PCDHGA8: variants seen among roughly 807,000 people sequenced by gnomAD.
The protein encoded by PCDHGA8 is protocadherin gamma-A8.
A neutral mutation model predicts 59.2 loss-of-function variants in PCDHGA8; 45 were observed. The ratio of observed to expected loss-of-function variants is 0.76; its 90% CI spans 0.60 to 0.98. The LOEUF is 0.98. PCDHGA8 is among the 50% of genes least tolerant of loss of function. PCDHGA8 has a pLI of 0.00. For missense variants in PCDHGA8, 1,257 were observed against 1,196.2 expected, an observed-to-expected ratio of 1.05 and a Z score of -0.75; for synonymous variants, 531 against 519.0, an observed-to-expected ratio of 1.02 and a Z score of -0.32.
rs746159671 is a variant in PCDHGA8, at chr5:141,399,684, G to A, written c.2424+4447G>A. The A allele has an allele frequency of 2.4e-5, 38 of 1,613,538 alleles. 1 individual carries two copies. In the South Asian group the frequency reaches 4.2e-4, roughly 18 times the overall value. On this transcript the variant is annotated intron_variant, in intron 1 of 3. Transcript: ENST00000398604. ...TCGCGCAGCGCGCCTTTGACTACGAGCAGCTGCGCACCTTCGAACTCACAC... is the reference window on the plus strand; with the variant it reads ...TCGCGCAGCGCGCCTTTGACTACGAACAGCTGCGCACCTTCGAACTCACAC...
chr5:141,416,478 C>T (rs1186938693), intron 1 of PCDHGA8: 4 of 151,994 alleles, frequency 2.6e-5, no homozygotes, highest in Non-Finnish European at 4.4e-5. Context: ...TACATGTTCC[C>T]GAGAACAGGA....
At chr5:141,454,774 G>A (rs1228452126) in intron 1 of PCDHGA8, among the ~76,000 whole-genome samples, 2 of 144,796 alleles carry the variant, frequency 1.4e-5, no homozygotes, top group African/African-American at 2.6e-5. Context: ...TTTTTACAAG[G>A]AAATAATCCT....
chr5:141,422,062 A>C, intron 1 of PCDHGA8: 4 of 1,612,140 alleles, frequency 2.5e-6, no homozygotes, highest in Non-Finnish European at 3.4e-6. Context: ...CGGGGAAGTA[A>C]TGTATTCATT....
chr5:141,408,510 A>G (rs1298660421), intron 1 of PCDHGA8: 21 of 1,613,870 alleles, frequency 1.3e-5, no homozygotes, highest in Non-Finnish European at 1.8e-5. Context: ...AGAAGATGTG[A>G]GTTGCAATTG....
chr5:141,493,694 G>A lies in PCDHGA8; in HGVS notation c.2425-1113G>A, dbSNP rs929897875. On this transcript the variant is annotated intron_variant, in intron 1 of 3. Transcript: ENST00000398604. This position sits in a 1 kb window ranked among gnomAD's most constrained non-coding sequence, Gnocchi z 4.3. ...CCCCAGAATGGTGCTGGTGACTCCC[G>A]ATACACCTGGAATGCTAGGTTTCTG... Among the ~76,000 whole-genome samples the A allele has an allele frequency of 5.9e-5, 9 of 152,130 alleles. No individual in the cohort carries two copies. Among genetic ancestry groups the A allele is most frequent in the African/African-American group, 9.7e-5 (4 of 41,404 alleles).
At chr5:141,416,400 C>CT (rs1028319330) in intron 1 of PCDHGA8, 1 of 152,036 alleles carries the variant, frequency 6.6e-6, no homozygotes, top group African/African-American at 2.4e-5. Flanking sequence ...CTGCTTTTGT[C>CT]TTTTTTGTTA....
chr5:141,439,487 G>A lies in PCDHGA8; in HGVS notation c.2424+44250G>A, dbSNP rs11952418. 8.3e-3 allele frequency among the ~76,000 whole-genome samples: 1,269 copies of A among 152,266 alleles called. 16 individuals are homozygous for A. Among genetic ancestry groups the A allele is most frequent in the African/African-American group, 0.029 (1,205 of 41,540 alleles). Reference sequence around the variant, plus strand: ...GCTGCCTTTCAGCTTGCAAATTCCAGTGAGAAACGTCTTTCTCTCTGCTCT... The same window carrying A: ...GCTGCCTTTCAGCTTGCAAATTCCAATGAGAAACGTCTTTCTCTCTGCTCT... On this transcript the variant is annotated intron_variant, in intron 1 of 3. Coordinates refer to ENST00000398604, the MANE Select transcript of PCDHGA8 (RefSeq NM_032088.2).
At chr5:141,466,279 T>A (rs1386803685) in intron 1 of PCDHGA8, among the ~76,000 whole-genome samples, 1 of 152,144 alleles carries the variant, frequency 6.6e-6, no homozygotes, top group Non-Finnish European at 1.5e-5. Flanking sequence ...CAAGCAATCT[T>A]CCCACCTCAG....
chr5:141,445,249 G>T (rs1337658576), intron 1 of PCDHGA8, among the ~76,000 whole-genome samples: 2 of 152,170 alleles, frequency 1.3e-5, no homozygotes, highest in Non-Finnish European at 2.9e-5. Context: ...ACTATATTGT[G>T]TGAGAATATA....
intron 1 of PCDHGA8, chr5:141,405,635 C>T (rs539370352): frequency 1.3e-4 from 69 of 526,234 alleles, no homozygotes; most frequent in Non-Finnish European, 1.9e-4. Context: ...CCACCACGCC[C>T]GGCTAATTTT....
At chr5:141,414,722 G>T in intron 1 of PCDHGA8, 1 of 1,614,128 alleles carries the variant, frequency 6.2e-7, no homozygotes, top group South Asian at 1.1e-5. Flanking sequence ...TCAGACACTG[G>T]CGTCCTGTAT....
rs533857281 is a variant in PCDHGA8 at position 141,429,742 on chromosome 5, T to C, written c.2424+34505T>C. Among the ~76,000 whole-genome samples the C allele has an allele frequency of 3.8e-4, 58 of 152,336 alleles. 1 individual carries two copies. Among genetic ancestry groups the C allele is most frequent in the Admixed American group, 2.0e-4 (3 of 15,302 alleles). Reference sequence around the variant, plus strand: ...ATGAAAGTACGTAGCCAGTTATTTCTTAGGGAGAATTTTTTCCCTATATTT... The same window carrying C: ...ATGAAAGTACGTAGCCAGTTATTTCCTAGGGAGAATTTTTTCCCTATATTT... On this transcript the variant is annotated intron_variant, in intron 1 of 3. Transcript: ENST00000398604.
At position 141,431,525 on chromosome 5, in the gene PCDHGA8, G is replaced by A. The variant is rs1390184616; in HGVS notation, c.2424+36288G>A. The A allele has an allele frequency of 5.6e-6, 9 of 1,613,956 alleles. No individual in the cohort carries two copies. Among genetic ancestry groups the A allele is most frequent in the Non-Finnish European group, 7.6e-6 (9 of 1,180,044 alleles). ...CCGCGCGAGCGTTCCGGAGAATCTG[G>A]CCTTGGGCACGCAGCTGCTTGTAGT... On this transcript the variant is annotated intron_variant, in intron 1 of 3. Transcript: ENST00000398604. This position sits in a 1 kb window ranked among gnomAD's most constrained non-coding sequence, Gnocchi z 4.8.
rs2154586748 is a variant in PCDHGA8 at position 141,491,733 on chromosome 5, T to A, written c.2425-3074T>A. The A allele has an allele frequency of 6.2e-7, 1 of 1,602,698 alleles. No individual in the cohort carries two copies. Among genetic ancestry groups the A allele is most frequent in the Non-Finnish European group, 8.5e-7 (1 of 1,175,258 alleles). On this transcript the variant is annotated intron_variant, in intron 1 of 3. Transcript: ENST00000398604. The surrounding 1 kb of genome is among the most constrained non-coding windows in gnomAD (Gnocchi z 6.9). ...GCTCGGCGCCGCCCCGGGCGACCCC[T>A]GGGGGCGGCACTGGAGAAGCCGCCC...
At chr5:141,507,450 CAGAG>C (rs940460926) in intron 3 of PCDHGA8, among the ~76,000 whole-genome samples, 1 of 152,170 alleles carries the variant, frequency 6.6e-6, no homozygotes, top group African/African-American at 2.4e-5. Flanking sequence ...GACGGAAGGA[CAGAG>C]AGAGAGGTGG....
chr5:141,500,184 T>TTTTTTTTATTTA (rs1554186429), intron 2 of PCDHGA8, among the ~76,000 whole-genome samples: 16 of 135,886 alleles, frequency 1.2e-4, no homozygotes, highest in African/African-American at 4.3e-4. Context: ...TCATTTTTAT[T>TTTTTTTTATTTA]TTTATTTATT....
At position 141,485,929 on chromosome 5, in the gene PCDHGA8, G is replaced by A; in HGVS notation, c.2425-8878G>A. 1 of 1,614,150 alleles carries A rather than the reference G, an allele frequency of 6.2e-7. No homozygotes were observed. The highest frequency in any genetic ancestry group is 8.5e-7 in the Non-Finnish European group (1 of 1,180,036). ...AATCCAGCTACAGGATTAGTGTGTT[G>A]GAGAGCGCACCAGCGGGCATGGTGC... On this transcript the variant is annotated intron_variant, in intron 1 of 3. Coordinates refer to ENST00000398604, the MANE Select transcript of PCDHGA8 (RefSeq NM_032088.2). This position sits in a 1 kb window ranked among gnomAD's most constrained non-coding sequence, Gnocchi z 5.7.
chr5:141,402,394 G>T (rs928311359), intron 1 of PCDHGA8, among the ~76,000 whole-genome samples: 5 of 151,852 alleles, frequency 3.3e-5, no homozygotes, highest in Non-Finnish European at 7.4e-5. Context: ...AATTACTTCA[G>T]AAAATTGTTA....
rs2099746867 is a variant in PCDHGA8, at chr5:141,493,199, C to T, written c.2425-1608C>T. Among the ~76,000 whole-genome samples the T allele has an allele frequency of 6.6e-6, 1 of 152,168 alleles. No individual in the cohort carries two copies. Among genetic ancestry groups the T allele is most frequent in the Non-Finnish European group, 1.5e-5 (1 of 68,020 alleles). ...CTTACTATATAACTCCTTTGAGAAC[C>T]TCATCTCATTTGCTCTTCCCACCAT... On this transcript the variant is annotated intron_variant, in intron 1 of 3. Coordinates refer to ENST00000398604, the MANE Select transcript of PCDHGA8 (RefSeq NM_032088.2). This position sits in a 1 kb window ranked among gnomAD's most constrained non-coding sequence, Gnocchi z 4.3.
Sources: allele counts gnomAD v4.1 joint callset (sites outside exome capture counted in the v4.1 genomes callset), GRCh38; gene constraint gnomAD v4.1.1; non-coding constraint Gnocchi (gnomAD v3.1); transcripts MANE v1.5; gene names NCBI Gene and HGNC (gene_info 2026-07-23, HGNC 2026-07-21).